Variants in ADGRL3 observed in about 807,000 individuals in gnomAD.
ADGRL3 encodes the protein calcium-independent alpha-latrotoxin receptor 3.
A neutral mutation model predicts 153.5 loss-of-function variants in ADGRL3; 62 were observed. The observed-to-expected ratio is 0.40, with a 90% confidence interval of 0.33 to 0.50. The LOEUF (loss-of-function observed/expected upper bound fraction) is 0.50. ADGRL3 is among the 20% of genes least tolerant of loss of function. The pLI is 0.47. For missense variants in ADGRL3, 1,641 were observed against 1,859.4 expected, an observed-to-expected ratio of 0.88 and a Z score of 2.16; for synonymous variants, 710 against 672.5, an observed-to-expected ratio of 1.06 and a Z score of -0.86.
At chr4:61,470,810 A>G (rs180774747) in intron 2 of ADGRL3, among the ~76,000 whole-genome samples, 13 of 151,996 alleles carry the variant, frequency 8.6e-5, no homozygotes, top group African/African-American at 3.1e-4. Context: ...AAAATAATAA[A>G]ACAGTGGTTT....
At chr4:62,019,589 A>G (rs904466909) in intron 21 of ADGRL3, among the ~76,000 whole-genome samples, 3 of 151,956 alleles carry the variant, frequency 2.0e-5, no homozygotes, top group Non-Finnish European at 4.4e-5. Flanking sequence ...TTATCTTTCA[A>G]TTTCTTTTAA....
At chr4:61,912,688 T>C (rs1014851026) in intron 12 of ADGRL3, 31 bp from the exon 13 acceptor site, 2 of 1,605,926 alleles carry the variant, frequency 1.2e-6, no homozygotes, top group African/African-American at 1.3e-5. Context: ...TTTTCTATTC[T>C]GTGTTTAATC....
At chr4:61,503,843 G>T (rs1207081958) in intron 3 of ADGRL3, among the ~76,000 whole-genome samples, 2 of 152,040 alleles carry the variant, frequency 1.3e-5, no homozygotes, top group East Asian at 1.9e-4. Context: ...GAGTACTTAG[G>T]ATATTCGTCA....
chr4:61,815,952 C>T (rs2148652624), intron 9 of ADGRL3, among the ~76,000 whole-genome samples: 1 of 152,320 alleles, frequency 6.6e-6, no homozygotes, highest in South Asian at 2.1e-4. Flanking sequence ...ATTACCCCAT[C>T]ACAAGTATTT....
intron 25 of ADGRL3, among the ~76,000 whole-genome samples, chr4:62,051,274 A>C (rs1394645966): frequency 6.6e-6 from 1 of 151,160 alleles, no homozygotes; most frequent in Non-Finnish European, 1.5e-5. Flanking sequence ...AGCCTGTGTT[A>C]GGAAAATCAG....
At chr4:61,477,855 T>G (rs2152719434) in intron 2 of ADGRL3, among the ~76,000 whole-genome samples, 1 of 152,226 alleles carries the variant, frequency 6.6e-6, no homozygotes, top group Admixed American at 6.5e-5. Context: ...GTATCTTTTT[T>G]ACTACAGAAT....
intron 17 of ADGRL3, among the ~76,000 whole-genome samples, chr4:61,953,691 A>G (rs2098955866): frequency 6.6e-6 from 1 of 152,164 alleles, no homozygotes; most frequent in Non-Finnish European, 1.5e-5. Context: ...TTTTATAAGA[A>G]TTATAACCAA....
chr4:61,384,224 G>A (rs2096708683), intron 2 of ADGRL3, among the ~76,000 whole-genome samples: 1 of 151,452 alleles, frequency 6.6e-6, no homozygotes, highest in Non-Finnish European at 1.5e-5. Flanking sequence ...CTTTGTCATT[G>A]TTTTCTTCCC....
Position 61,813,800 on chromosome 4 carries a change from G to C in ADGRL3, c.1400-9G>C. The C allele has an allele frequency of 1.2e-6, 2 of 1,603,446 alleles. No individual in the cohort carries two copies. Among genetic ancestry groups the C allele is most frequent in the Non-Finnish European group, 1.7e-6 (2 of 1,170,646 alleles). ...GATGTCTTCTTAACAATTTGTTTTG[G>C]GTCCACAGGGCAGGCACATCATGGA... On this transcript the variant is annotated splice_polypyrimidine_tract_variant and intron_variant, in intron 8 of 26. Transcript: ENST00000683033.
chr4:61,374,914 G>A (rs1468146134), intron 1 of ADGRL3, among the ~76,000 whole-genome samples: 2 of 151,750 alleles, frequency 1.3e-5, no homozygotes, highest in African/African-American at 2.4e-5. Context: ...TTTGGAAAAA[G>A]CTTATCTGAG....
At chr4:61,228,363 A>G (rs1748931214) in intron 1 of ADGRL3, among the ~76,000 whole-genome samples, 1 of 152,194 alleles carries the variant, frequency 6.6e-6, no homozygotes, top group Admixed American at 6.5e-5. Flanking sequence ...ATCCCATTTC[A>G]GTGATCTCAG....
intron 1 of ADGRL3, among the ~76,000 whole-genome samples, chr4:61,362,091 C>T (rs896644445): frequency 6.6e-6 from 1 of 151,074 alleles, no homozygotes; most frequent in Non-Finnish European, 1.5e-5. Context: ...CAGCCTCCAC[C>T]TCCCAGGTTC....
intron 1 of ADGRL3, among the ~76,000 whole-genome samples, chr4:61,289,157 C>T (rs2094067594): frequency 6.6e-6 from 1 of 151,814 alleles, no homozygotes; most frequent in South Asian, 2.1e-4. Flanking sequence ...TTCCTATTCC[C>T]ACACTTTTCT....
intron 4 of ADGRL3, among the ~76,000 whole-genome samples, chr4:61,564,282 T>G (rs1472425): frequency 0.34 from 51,836 of 151,866 alleles, 11,084 homozygotes; most frequent in Non-Finnish European, 0.49. Context: ...TTGGTTGGTT[T>G]GTTTGTTTTT....
At chr4:61,280,003 G>T (rs1185754664) in intron 1 of ADGRL3, among the ~76,000 whole-genome samples, 1 of 151,900 alleles carries the variant, frequency 6.6e-6, no homozygotes, top group Non-Finnish European at 1.5e-5. Flanking sequence ...AAGTGTTGTG[G>T]TACCTTCATC....
intron 8 of ADGRL3, among the ~76,000 whole-genome samples, chr4:61,769,979 A>G (rs1437329960): frequency 6.6e-6 from 1 of 152,192 alleles, no homozygotes; most frequent in East Asian, 1.9e-4. Flanking sequence ...GTACAGGTGC[A>G]GGTCACAGGG....
chr4:61,998,132 C>A, intron 20 of ADGRL3, 42 bp from the exon 21 acceptor site: 1 of 1,120,272 alleles, frequency 8.9e-7, no homozygotes, highest in Non-Finnish European at 1.3e-6. Context: ...TTTTTTGTTC[C>A]TACTCCAATT....
intron 5 of ADGRL3, among the ~76,000 whole-genome samples, chr4:61,639,690 T>C (rs1358580603): frequency 6.6e-6 from 1 of 152,182 alleles, no homozygotes; most frequent in African/African-American, 2.4e-5. Flanking sequence ...TAAAATTTCA[T>C]TAAACAGGAT....
chr4:61,568,503 G>A (rs562325683), intron 4 of ADGRL3, among the ~76,000 whole-genome samples: 12 of 152,210 alleles, frequency 7.9e-5, no homozygotes, highest in African/African-American at 1.7e-4. Context: ...AAGAAGAAAG[G>A]CATTGTGAAG....
Sources: allele counts gnomAD v4.1 joint callset (sites outside exome capture counted in the v4.1 genomes callset), GRCh38; gene constraint gnomAD v4.1.1; transcripts MANE v1.5; gene names NCBI Gene and HGNC (gene_info 2026-07-23, HGNC 2026-07-21).